The following GOT2 variants were observed in gnomAD, a reference collection of about 807,000 sequenced individuals.
The protein encoded by GOT2 is aspartate aminotransferase, mitochondrial.
A neutral mutation model predicts 50.0 loss-of-function variants in GOT2; 17 were observed. That is an observed-to-expected ratio of 0.34 (90% confidence interval 0.23 to 0.51). The LOEUF is 0.51. GOT2 is among the 20% of genes least tolerant of loss of function. The pLI is 0.97. For missense variants in GOT2, 430 were observed against 559.6 expected (o/e 0.77, Z 2.34); for synonymous variants, 172 against 204.9 (o/e 0.84, Z 1.37).
intron 8 of GOT2, among the ~76,000 whole-genome samples, chr16:58,714,717 C>CA (rs2044678109): frequency 6.6e-6 from 1 of 151,426 alleles, no homozygotes; most frequent in East Asian, 2.0e-4. Flanking sequence ...TAAAAAAAAA[C>CA]AAAAAACAAA....
At chr16:58,717,306 G>A (rs1391163238) in intron 6 of GOT2, among the ~76,000 whole-genome samples, 1 of 152,252 alleles carries the variant, frequency 6.6e-6, no homozygotes, top group East Asian at 1.9e-4. Flanking sequence ...GAGCCCTGGA[G>A]GTAGAGGCTG....
At chr16:58,723,211 T>A (rs911765393) in intron 2 of GOT2, among the ~76,000 whole-genome samples, 2 of 152,108 alleles carry the variant, frequency 1.3e-5, no homozygotes, top group African/African-American at 4.8e-5. Flanking sequence ...ACTTAAAAAA[T>A]TATTCTAAGG....
intron 7 of GOT2, 166 bp from the exon 8 acceptor site, chr16:58,716,345 A>T: frequency 1.5e-6 from 1 of 677,748 alleles, no homozygotes; most frequent in South Asian, 1.9e-5. Flanking sequence ...CTGAGGCACA[A>T]GGAAGTTTTG....
intron 9 of GOT2, 102 bp downstream of exon 9, chr16:58,709,311 AAAAC>A: frequency 4.4e-6 from 4 of 915,914 alleles, no homozygotes; most frequent in East Asian, 2.7e-5. Flanking sequence ...AACAAAACAA[AAAAC>A]CCGAAAACAT....
At chr16:58,714,957 C>T (rs2152094393) in intron 8 of GOT2, among the ~76,000 whole-genome samples, 1 of 152,078 alleles carries the variant, frequency 6.6e-6, no homozygotes, top group Admixed American at 6.5e-5. Flanking sequence ...GCCACTGTGC[C>T]CAGACTTAAA....
At chr16:58,729,016 G>GT in intron 1 of GOT2, among the ~76,000 whole-genome samples, 1 of 151,988 alleles carries the variant, frequency 6.6e-6, no homozygotes, top group South Asian at 2.1e-4. Context: ...CTACTGCATA[G>GT]TTTTTTCTAG....
intron 1 of GOT2, among the ~76,000 whole-genome samples, chr16:58,730,193 G>A (rs992761309): frequency 2.0e-5 from 3 of 152,288 alleles, no homozygotes; most frequent in African/African-American, 7.2e-5. Context: ...AAGGGCAGAG[G>A]CATGGGAGGT....
chr16:58,713,782 G>C (rs540949542), intron 8 of GOT2, among the ~76,000 whole-genome samples: 22 of 152,300 alleles, frequency 1.4e-4, no homozygotes, highest in African/African-American at 5.1e-4. Context: ...TAGAGTAGGG[G>C]TTGGCATTCT....
At chr16:58,723,306 A>T (rs1056550509) in intron 2 of GOT2, among the ~76,000 whole-genome samples, 2 of 152,256 alleles carry the variant, frequency 1.3e-5, no homozygotes, top group African/African-American at 2.4e-5. Flanking sequence ...TGCATAGCTC[A>T]GCAGGAAGAA....
chr16:58,720,108 G>A lies in GOT2; in HGVS notation c.376-853C>T, dbSNP rs936070465. On this transcript the variant is annotated intron_variant, in intron 3 of 9. Transcript: ENST00000245206. ...CCCAGCTACTCAGGAAGGCTGAGGC[G>A]GGAGAATTGCTTGAACCCAGGAGGC... 8.5e-5 allele frequency among the ~76,000 whole-genome samples: 13 copies of A among 152,122 alleles called. No homozygotes were observed. In the East Asian group the frequency reaches 9.6e-4, roughly 11 times the overall value.
intron 8 of GOT2, 80 bp from the exon 9 acceptor site, chr16:58,709,647 C>T: frequency 2.4e-6 from 3 of 1,237,142 alleles, no homozygotes; most frequent in Non-Finnish European, 2.3e-6. Flanking sequence ...TTTTACCTCC[C>T]TTGAGCAGTC....
intron 3 of GOT2, among the ~76,000 whole-genome samples, chr16:58,720,868 G>A (rs1203848437): frequency 6.6e-6 from 1 of 152,096 alleles, no homozygotes; most frequent in Non-Finnish European, 1.5e-5. Flanking sequence ...TTACAGGAGT[G>A]AGCCACTGCG....
rs574325438 is a variant in GOT2, at chr16:58,720,688, C to T, written c.376-1433G>A. 2.6e-5 allele frequency among the ~76,000 whole-genome samples: 4 copies of T among 151,962 alleles called. No homozygotes were observed. The East Asian group carries it at 5.8e-4, about 22-fold the overall frequency. ...CCACCTTCTGGGTTCCAGGATTCCTCCCATGTCAGCCTCCCCAGTAGCTGA... is the reference window on the plus strand; with the variant it reads ...CCACCTTCTGGGTTCCAGGATTCCTTCCATGTCAGCCTCCCCAGTAGCTGA... On this transcript the variant is annotated intron_variant, in intron 3 of 9. Transcript: ENST00000245206.
intron 6 of GOT2, 67 bp from the exon 7 acceptor site, chr16:58,716,880 T>C: frequency 1.4e-6 from 2 of 1,475,902 alleles, no homozygotes; most frequent in Non-Finnish European, 1.9e-6. Context: ...TTTATAAAAG[T>C]CTGAAAGATG....
In GOT2 at chr16:58,732,324, A is replaced by T. The variant is rs1019741523; in HGVS notation, c.89+1816T>A. Reference sequence around the variant, plus strand: ...GTATTTAAAGAAAAAAAAAAAGGGAATTTTTTTTGGTACATATTTTGCAGC... The same window carrying T: ...GTATTTAAAGAAAAAAAAAAAGGGATTTTTTTTTGGTACATATTTTGCAGC... On this transcript the variant is annotated intron_variant, in intron 1 of 9. Coordinates refer to ENST00000245206, the MANE Select transcript of GOT2 (RefSeq NM_002080.4). Among the ~76,000 whole-genome samples the T allele has an allele frequency of 1.1e-4, 16 of 151,854 alleles. 1 individual carries two copies. The highest frequency in any genetic ancestry group is 2.6e-4 in the Admixed American group (4 of 15,236).
intron 3 of GOT2, among the ~76,000 whole-genome samples, chr16:58,721,277 A>G (rs1366452048): frequency 1.3e-5 from 2 of 152,250 alleles, no homozygotes; most frequent in African/African-American, 4.8e-5. Flanking sequence ...AAAAACGTAC[A>G]AATGCACTCA....
At chr16:58,722,360 A>C in intron 2 of GOT2, 82 bp from the exon 3 acceptor site, 1 of 1,430,368 alleles carries the variant, frequency 7.0e-7, no homozygotes, top group Admixed American at 1.9e-5. Context: ...TTTATAAGTT[A>C]AGTTTTGGAG....
At chr16:58,709,724 T>G (rs894022144) in intron 8 of GOT2, among the ~76,000 whole-genome samples, 157 bp from the exon 9 acceptor site, 1 of 152,226 alleles carries the variant, frequency 6.6e-6, no homozygotes, top group Non-Finnish European at 1.5e-5. Context: ...GGAAGAAAGC[T>G]ATTTTATAGC....
At position 58,725,857 on chromosome 16, in the gene GOT2, T is replaced by C. The variant is rs1597704703; in HGVS notation, c.90-1955A>G. 2.6e-5 allele frequency among the ~76,000 whole-genome samples: 4 copies of C among 152,242 alleles called. No homozygotes were observed. In the East Asian group the frequency reaches 7.7e-4, roughly 29 times the overall value. ...ATCAACAGTGACAAATAAATACAAC[T>C]GTGTGTTTTTAAGGAAAAAGAGTAG... is the stretch of plus-strand genomic sequence containing the variant. On this transcript the variant is annotated intron_variant, in intron 1 of 9. Coordinates refer to ENST00000245206, the MANE Select transcript of GOT2 (RefSeq NM_002080.4).
Sources: gnomAD v4.1 joint callset for allele counts (sites outside exome capture counted in the v4.1 genomes callset) on GRCh38, gnomAD v4.1.1 for gene constraint, MANE v1.5 for transcripts, NCBI Gene and HGNC (gene_info 2026-07-23, HGNC 2026-07-21) for gene names.